The following AGFG1 variants were observed in gnomAD, a reference collection of about 807,000 sequenced individuals.
The protein encoded by AGFG1 is ArfGAP with FG repeats 1, also known as arf-GAP domain and FG repeat-containing protein 1.
Under a neutral mutation model 60.6 loss-of-function variants are expected in AGFG1, and 10 were observed. The observed-to-expected ratio is 0.16, with a 90% CI of 0.10 to 0.28. The LOEUF (loss-of-function observed/expected upper bound fraction) is 0.28. AGFG1 is among the 10% of genes least tolerant of loss of function. AGFG1 has a pLI of 1.00. For synonymous variants in AGFG1, 247 were observed against 242.9 expected, an observed-to-expected ratio of 1.02 and a Z score of -0.16; for missense variants, 537 against 676.5, an observed-to-expected ratio of 0.79 and a Z score of 2.29.
chr2:227,530,827 T>C (rs908836317), intron 5 of AGFG1, among the ~76,000 whole-genome samples: 1 of 152,178 alleles, frequency 6.6e-6, no homozygotes, highest in Non-Finnish European at 1.5e-5. Context: ...TTTATAGTAC[T>C]GTGCTTGAGG....
At chr2:227,506,630 G>A (rs79868518) in intron 2 of AGFG1, among the ~76,000 whole-genome samples, 8,135 of 148,012 alleles carry the variant, frequency 0.055, 297 homozygotes, top group African/African-American at 0.091. Context: ...GCTTGTTTGT[G>A]GTTGCTCTGT....
At chr2:227,483,108 A>G (rs565077518) in intron 1 of AGFG1, among the ~76,000 whole-genome samples, 1 of 152,004 alleles carries the variant, frequency 6.6e-6, no homozygotes, top group Non-Finnish European at 1.5e-5. Flanking sequence ...TTCATCCAAT[A>G]GTTATGACTA....
chr2:227,496,537 G>A (rs2106175820), intron 2 of AGFG1, among the ~76,000 whole-genome samples: 1 of 152,194 alleles, frequency 6.6e-6, no homozygotes, highest in Non-Finnish European at 1.5e-5. Context: ...TCCTCCCCTT[G>A]CAGTCTTCTA....
chr2:227,553,021 A>AT (rs1692867322), intron 11 of AGFG1, among the ~76,000 whole-genome samples: 1 of 150,240 alleles, frequency 6.7e-6, no homozygotes, highest in African/African-American at 2.4e-5. Context: ...AAAAAAAAAA[A>AT]TCTGAAATAT....
intron 1 of AGFG1, among the ~76,000 whole-genome samples, chr2:227,482,457 A>C (rs1474672867): frequency 6.6e-6 from 1 of 152,178 alleles, no homozygotes; most frequent in Non-Finnish European, 1.5e-5. Context: ...TACTAAAGGC[A>C]CCTTCCTTCC....
chr2:227,532,756 G>A (rs1018927413), intron 6 of AGFG1, among the ~76,000 whole-genome samples: 1 of 152,030 alleles, frequency 6.6e-6, no homozygotes, highest in Non-Finnish European at 1.5e-5. Context: ...TCCCAAAAAT[G>A]TAGGATCAAA....
chr2:227,495,689 T>C (rs1015732199), intron 2 of AGFG1, among the ~76,000 whole-genome samples: 2 of 152,192 alleles, frequency 1.3e-5, no homozygotes, highest in African/African-American at 4.8e-5. Flanking sequence ...TGAACACTGC[T>C]GTAAGTAGAT....
rs889994242 is a variant in AGFG1 at position 227,520,081 on chromosome 2, A to G, written c.377+18A>G. 1 of 1,469,426 alleles carries G rather than the reference A, an allele frequency of 6.8e-7. No homozygotes were observed. Among genetic ancestry groups the G allele is most frequent in the South Asian group, 1.2e-5 (1 of 81,540 alleles). 91.0% of individuals were successfully genotyped at this position (1,469,426 alleles called of 1,614,324 possible). On this transcript the variant is annotated intron_variant, in intron 3 of 12. Transcript: ENST00000310078. ...AAAAGATGGTGAGTGAAGAGTTTGTATGTAGAATAAAGCCTCCCCAAATCA... is the reference window on the plus strand; with the variant it reads ...AAAAGATGGTGAGTGAAGAGTTTGTGTGTAGAATAAAGCCTCCCCAAATCA...
chr2:227,547,510 TAGC>T (rs1405025233), intron 10 of AGFG1, among the ~76,000 whole-genome samples: 5 of 152,154 alleles, frequency 3.3e-5, no homozygotes, highest in African/African-American at 9.7e-5. Context: ...TTAAGCTTAA[TAGC>T]AGTCTGGAGA....
chr2:227,516,569 A>C (rs935263092), intron 2 of AGFG1, among the ~76,000 whole-genome samples: 2 of 152,190 alleles, frequency 1.3e-5, no homozygotes, highest in Admixed American at 6.5e-5. Context: ...GTGACCTTCC[A>C]GAGAGCAGGA....
intron 1 of AGFG1, among the ~76,000 whole-genome samples, chr2:227,486,419 T>C (rs528854686): frequency 1.3e-5 from 2 of 152,190 alleles, no homozygotes; most frequent in Non-Finnish European, 1.5e-5. Context: ...TGAGATTAAA[T>C]ATGTAAAGTG....
chr2:227,537,902 C>G (rs946154798), intron 10 of AGFG1, among the ~76,000 whole-genome samples: 1 of 152,068 alleles, frequency 6.6e-6, no homozygotes, highest in Admixed American at 6.5e-5. Context: ...TTGTCATTGA[C>G]AAGATTAAGA....
In AGFG1 at chr2:227,554,300, A is replaced by G. The variant is rs1163282866; in HGVS notation, c.1630-136A>G. The G allele has an allele frequency of 1.7e-5, 12 of 710,868 alleles. No homozygotes were observed. In the African/African-American group the frequency reaches 2.0e-4, roughly 12 times the overall value. The allele number at this position is 710,868 out of a possible 1,614,324, so 44.0% of individuals were successfully genotyped here. ...ATATAGCTTATTGCCAATAACAAAT[A>G]TTATTGCCAATAATTTAAAAAATAA... On this transcript the variant is annotated intron_variant, in intron 12 of 12. Transcript: ENST00000310078.
intron 3 of AGFG1, among the ~76,000 whole-genome samples, chr2:227,523,052 C>G (rs949282243): frequency 6.6e-6 from 1 of 152,142 alleles, no homozygotes; most frequent in Non-Finnish European, 1.5e-5. Context: ...GGTTAACATC[C>G]ATGTGTACAT....
intron 2 of AGFG1, chr2:227,508,586 C>T (rs993083437): frequency 2.1e-6 from 1 of 468,054 alleles, no homozygotes; most frequent in East Asian, 6.9e-5. Flanking sequence ...TTCCTTGAAA[C>T]CTTGCATATC....
chr2:227,536,529 T>TA, intron 8 of AGFG1, 96 bp from the exon 9 acceptor site: 2 of 954,306 alleles, frequency 2.1e-6, no homozygotes, highest in Non-Finnish European at 3.3e-6. Flanking sequence ...GATGCTGTGA[T>TA]ACACGATATG....
At chr2:227,532,159 G>C in intron 6 of AGFG1, 1 of 1,547,320 alleles carries the variant, frequency 6.5e-7, no homozygotes, top group Non-Finnish European at 8.7e-7. Context: ...CTTTCATCTA[G>C]CTGCAGTTTT....
At chr2:227,474,837 TATACG>T (rs2106147800) in intron 1 of AGFG1, among the ~76,000 whole-genome samples, 1 of 152,362 alleles carries the variant, frequency 6.6e-6, no homozygotes, top group Non-Finnish European at 1.5e-5. Context: ...AAGTATTAGT[TATACG>T]GTATTGAGAA....
chr2:227,556,938 A>C lies in AGFG1; in HGVS notation c.*2443A>C, dbSNP rs927707961. ...ATAGAGTGAGATCCCATCTCTAAAA[A>C]ATGAAAAAAAGAAGAGAGGTAGCTT... is the stretch of plus-strand genomic sequence containing the variant. On this transcript the variant is annotated 3_prime_UTR_variant, in exon 13 of 13. Coordinates refer to ENST00000310078, the MANE Select transcript of AGFG1 (RefSeq NM_004504.5). 1 of 152,154 alleles carries C rather than the reference A, an allele frequency of 6.6e-6. No homozygotes were observed. The highest frequency in any genetic ancestry group is 1.5e-5 in the Non-Finnish European group (1 of 68,026). The allele number at this position is 152,154 out of a possible 1,614,324, so 9.4% of individuals were successfully genotyped here.
Sources: allele counts gnomAD v4.1 joint callset (sites outside exome capture counted in the v4.1 genomes callset), GRCh38; gene constraint gnomAD v4.1.1; transcripts MANE v1.5; gene names NCBI Gene and HGNC (gene_info 2026-07-23, HGNC 2026-07-21).